Variants in DEPDC5 observed in about 807,000 individuals in gnomAD.
The protein encoded by DEPDC5 is GATOR1 complex protein DEPDC5.
In DEPDC5, 73 loss-of-function variants were observed where a neutral mutation model predicts 217.3. The ratio of observed to expected loss-of-function variants is 0.34; its 90% CI spans 0.28 to 0.41. The LOEUF is 0.41. DEPDC5 is among the 10% of genes least tolerant of loss of function. DEPDC5 has a pLI of 1.00. For synonymous variants in DEPDC5, 733 were observed against 756.7 expected, an observed-to-expected ratio of 0.97 and a Z score of 0.51; for missense variants, 1,675 against 2,070.1, an observed-to-expected ratio of 0.81 and a Z score of 3.70.
At chr22:31,848,729 T>C (rs201687821) in intron 31 of DEPDC5, among the ~76,000 whole-genome samples, 1 of 152,226 alleles carries the variant, frequency 6.6e-6, no homozygotes, top group Non-Finnish European at 1.5e-5. Flanking sequence ...TCCTTACTTA[T>C]GCAAATTTCT....
intron 31 of DEPDC5, chr22:31,853,068 CAT>C (rs1253022434): frequency 6.6e-6 from 1 of 152,208 alleles, no homozygotes; most frequent in Non-Finnish European, 1.5e-5. Context: ...TTCTTTTGAA[CAT>C]ATCTTTATCA....
chr22:31,790,419 A>G lies in DEPDC5; in HGVS notation c.625-1614A>G, dbSNP rs117025035. 6.2e-3 allele frequency among the ~76,000 whole-genome samples: 937 copies of G among 152,240 alleles called. 1 individual carries two copies. The highest frequency in any genetic ancestry group is 0.012 in the Admixed American group (186 of 15,272). On this transcript the variant is annotated intron_variant, in intron 10 of 42. Coordinates refer to ENST00000651528, the MANE Select transcript of DEPDC5 (RefSeq NM_001242896.3). ...TAAACACCCTACTTCTAGGATATTG[A>G]TCTCCAGACTCCATGGAAATGTTTA...
intron 40 of DEPDC5, among the ~76,000 whole-genome samples, chr22:31,898,006 G>A (rs770011231): frequency 6.6e-6 from 1 of 152,136 alleles, no homozygotes; most frequent in Non-Finnish European, 1.5e-5. Flanking sequence ...AACTGGTTTG[G>A]GCTGCAGGGA....
chr22:31,776,572 CTT>C (rs34058587), intron 7 of DEPDC5, among the ~76,000 whole-genome samples: 2 of 104,170 alleles, frequency 1.9e-5, no homozygotes, highest in Non-Finnish European at 1.8e-5. Context: ...GTACTATTCA[CTT>C]TTTTTTTTTT....
At chr22:31,838,565 T>A in intron 26 of DEPDC5, 120 bp from the exon 27 acceptor site, 1 of 1,354,618 alleles carries the variant, frequency 7.4e-7, no homozygotes, top group Middle Eastern at 2.7e-4. Context: ...CTGTTAGTTT[T>A]ATGAACCACC....
chr22:31,839,758 T>C (rs1245224365), intron 27 of DEPDC5, among the ~76,000 whole-genome samples: 1 of 152,208 alleles, frequency 6.6e-6, no homozygotes, highest in East Asian at 1.9e-4. Flanking sequence ...GTTAACCTTT[T>C]TGAGTGCCAA....
At chr22:31,857,399 A>G in intron 31 of DEPDC5, 46 bp from the exon 32 acceptor site, 1 of 1,512,636 alleles carries the variant, frequency 6.6e-7, no homozygotes, top group African/African-American at 1.4e-5. Flanking sequence ...ATCCTTCACC[A>G]GGGAGCTCTG....
intron 16 of DEPDC5, 44 bp downstream of exon 16, chr22:31,804,267 T>C (rs750794566): frequency 1.4e-5 from 22 of 1,599,866 alleles, no homozygotes; most frequent in African/African-American, 5.4e-5. Flanking sequence ...AGTTGGAGTA[T>C]AGTTAGAAAG....
At chr22:31,786,379 C>A (rs1214858810) in intron 10 of DEPDC5, among the ~76,000 whole-genome samples, 2 of 126,724 alleles carry the variant, frequency 1.6e-5, no homozygotes, top group African/African-American at 6.2e-5. Flanking sequence ...ATATGGAAAA[C>A]TTTGTCTCCA....
chr22:31,899,538 G>A (rs542621449), intron 40 of DEPDC5, among the ~76,000 whole-genome samples: 1 of 152,174 alleles, frequency 6.6e-6, no homozygotes, highest in Admixed American at 6.6e-5. Context: ...ACAGGCACAC[G>A]CCATTCATGC....
intron 26 of DEPDC5, 101 bp downstream of exon 26, chr22:31,837,256 CAT>C: frequency 7.8e-7 from 1 of 1,283,408 alleles, no homozygotes; most frequent in Non-Finnish European, 1.1e-6. Flanking sequence ...TTCAGCAACA[CAT>C]ATATTAAAAT....
At chr22:31,901,921 G>A (rs74477985) in intron 41 of DEPDC5, 119 bp downstream of exon 41, 1 of 865,278 alleles carries the variant, frequency 1.2e-6, no homozygotes, top group Non-Finnish European at 1.9e-6. Flanking sequence ...TCCACCAATG[G>A]CAAATTCACT....
At position 31,906,578 on chromosome 22, in the gene DEPDC5, A is replaced by G; in HGVS notation, c.*81A>G. ...GGGCGGAGGATTCCAGGCAGGCTCT[A>G]GGAGTCAGGTGTCCGTTTGCTGCTA... On this transcript the variant is annotated 3_prime_UTR_variant, in exon 43 of 43. Coordinates refer to ENST00000651528, the MANE Select transcript of DEPDC5 (RefSeq NM_001242896.3). The surrounding 1 kb of genome is among the most constrained non-coding windows in gnomAD (Gnocchi z 5.1). 3 of 1,535,330 alleles carry G rather than the reference A, an allele frequency of 2.0e-6. No individual in the cohort carries two copies. Among genetic ancestry groups the G allele is most frequent in the Non-Finnish European group, 2.6e-6 (3 of 1,133,316 alleles).
In DEPDC5 at chr22:31,766,800, T is replaced by C. The variant is rs1442461883; in HGVS notation, c.363+132T>C. 5 of 719,408 alleles carry C rather than the reference T, an allele frequency of 7.0e-6. No individual in the cohort carries two copies. The East Asian group carries it at 1.3e-4, about 19-fold the overall frequency. The allele number at this position is 719,408 out of a possible 1,614,324, so 44.6% of individuals were successfully genotyped here. A position where few individuals can be genotyped will look rare whatever the true frequency, so the allele number is the denominator to read the frequency against. On this transcript the variant is annotated intron_variant, in intron 6 of 42. Transcript: ENST00000651528. ...TCTACAGACAATTATTGTCAACGTC[T>C]TCTGTGTTCTTCCATTCTCTTTTCA...
At position 31,906,611 on chromosome 22, in the gene DEPDC5, G is replaced by A. The variant is rs930130279; in HGVS notation, c.*114G>A. ...GGTGTCCGTTTGCTGCTATCAGTGA[G>A]TGGGGGCCATTGTTTTTTGTTTGTT... On this transcript the variant is annotated 3_prime_UTR_variant, in exon 43 of 43. Coordinates refer to ENST00000651528, the MANE Select transcript of DEPDC5 (RefSeq NM_001242896.3). The surrounding 1 kb of genome is among the most constrained non-coding windows in gnomAD (Gnocchi z 5.1). The A allele has an allele frequency of 1.3e-4, 176 of 1,304,638 alleles. No homozygotes were observed. Among genetic ancestry groups the A allele is most frequent in the Non-Finnish European group, 1.8e-4 (166 of 947,500 alleles). 80.8% of individuals were successfully genotyped at this position (1,304,638 alleles called of 1,614,324 possible).
chr22:31,871,071 A>G (rs1166275253), intron 34 of DEPDC5, among the ~76,000 whole-genome samples: 1 of 152,234 alleles, frequency 6.6e-6, no homozygotes. Flanking sequence ...CTTGCACGTC[A>G]TAGCATGCTG....
At chr22:31,897,376 A>G in intron 39 of DEPDC5, 106 bp from the exon 40 acceptor site, 3 of 1,410,202 alleles carry the variant, frequency 2.1e-6, no homozygotes, top group Non-Finnish European at 2.9e-6. Flanking sequence ...GAGCATGCAA[A>G]TCAATATGCA....
At chr22:31,810,476 T>A in intron 19 of DEPDC5, 45 bp from the exon 20 acceptor site, 1 of 1,611,538 alleles carries the variant, frequency 6.2e-7, no homozygotes, top group South Asian at 1.1e-5. Context: ...CAGGCATGTG[T>A]TTGAAATGTA....
intron 26 of DEPDC5, among the ~76,000 whole-genome samples, chr22:31,837,973 G>A (rs539174205): frequency 1.2e-4 from 18 of 152,272 alleles, no homozygotes; most frequent in Admixed American, 3.3e-4. Context: ...AAAGTGCTGG[G>A]ATTATAGGTG....
Sources: allele counts gnomAD v4.1 joint callset (sites outside exome capture counted in the v4.1 genomes callset), GRCh38; gene constraint gnomAD v4.1.1; non-coding constraint Gnocchi (gnomAD v3.1); transcripts MANE v1.5; gene names NCBI Gene and HGNC (gene_info 2026-07-23, HGNC 2026-07-21).